CELF2: variants seen among roughly 807,000 people sequenced by gnomAD.
The protein encoded by CELF2 is CUG triplet repeat RNA-binding protein 2.
A neutral mutation model predicts 62.6 loss-of-function variants in CELF2; 8 were observed. The ratio of observed to expected loss-of-function variants is 0.13; its 90% CI spans 0.07 to 0.23. The LOEUF is 0.23. Among genes scored for constraint, CELF2 ranks in the 10% least tolerant of loss-of-function variants. The probability of loss-of-function intolerance (pLI) is 1.00; values close to 1 mark genes in which losing one functional copy is unlikely to be tolerated. For missense variants in CELF2, 333 were observed against 671.0 expected (o/e 0.50, Z 5.56); for synonymous variants, 258 against 250.0 (o/e 1.03, Z -0.30).
rs1016633137 is a variant in CELF2 at position 10,983,610 on chromosome 10, C to T, written c.89+63611C>T. On this transcript the variant is annotated intron_variant, in intron 2 of 13. Transcript: ENST00000636488. The surrounding 1 kb of genome is among the most constrained non-coding windows in gnomAD (Gnocchi z 5.2). Reference sequence around the variant, plus strand: ...TGAGACAGAGTCTCACTCTGCTGCCCAGGCTGGAGTGCAGTGGCACAATCT... The same window carrying T: ...TGAGACAGAGTCTCACTCTGCTGCCTAGGCTGGAGTGCAGTGGCACAATCT... Among the ~76,000 whole-genome samples the T allele has an allele frequency of 1.3e-5, 2 of 152,164 alleles. No individual in the cohort carries two copies. The highest frequency in any genetic ancestry group is 2.9e-5 in the Non-Finnish European group (2 of 68,032).
chr10:10,495,312 CA>C, the CELF2 span, among the ~76,000 whole-genome samples: 1 of 152,046 alleles, frequency 6.6e-6, no homozygotes, highest in African/African-American at 2.4e-5. Flanking sequence ...ACAAGAACAT[CA>C]AAAAGAGTTC....
intron 8 of CELF2, among the ~76,000 whole-genome samples, chr10:11,283,299 G>A (rs2089657478): frequency 1.3e-5 from 2 of 152,204 alleles, no homozygotes; most frequent in African/African-American, 2.4e-5. Context: ...GAACTGGTGG[G>A]ATTTCTTCCC....
At chr10:10,606,340 G>A in the CELF2 span, among the ~76,000 whole-genome samples, 5 of 152,336 alleles carry the variant, frequency 3.3e-5, no homozygotes, top group Non-Finnish European at 7.3e-5. Context: ...CAGAGAATAA[G>A]AGACCTAAAT....
At chr10:10,573,146 T>C in the CELF2 span, among the ~76,000 whole-genome samples, 1 of 152,336 alleles carries the variant, frequency 6.6e-6, no homozygotes, top group East Asian at 1.9e-4. Flanking sequence ...GCTGCATGAA[T>C]GTCTTTTGAG....
rs2062840307 is a variant in CELF2 at position 11,214,702 on chromosome 10, C to T, written c.272-2723C>T. On this transcript the variant is annotated intron_variant, in intron 2 of 12. Coordinates refer to ENST00000633077, the MANE Select transcript of CELF2 (RefSeq NM_001326342.2). The surrounding 1 kb of genome is among the most constrained non-coding windows in gnomAD (Gnocchi z 4.2). ...CAGTGTTACCTACGGTATCCTCCTG[C>T]GTGTCACACTGGAACTAGAGCTTCT... Among the ~76,000 whole-genome samples, 1 of 152,304 alleles carries T rather than the reference C, an allele frequency of 6.6e-6. No homozygotes were observed. Among genetic ancestry groups the T allele is most frequent in the East Asian group, 1.9e-4 (1 of 5,186 alleles).
At chr10:11,256,697 A>T (rs1333287758) in intron 4 of CELF2, among the ~76,000 whole-genome samples, 1 of 151,144 alleles carries the variant, frequency 6.6e-6, no homozygotes, top group East Asian at 1.9e-4. Flanking sequence ...ACCTCTCCTA[A>T]AAAGGACTCC....
At chr10:10,830,901 A>G (rs1210628548) in intron 1 of CELF2, among the ~76,000 whole-genome samples, 1 of 152,136 alleles carries the variant, frequency 6.6e-6, no homozygotes. Context: ...CACTCTCCTG[A>G]CTTTTTGTCC....
chr10:10,776,065 C>G, the CELF2 span, among the ~76,000 whole-genome samples: 1,458 of 152,322 alleles, frequency 9.6e-3, 21 homozygotes, highest in African/African-American at 0.033. Flanking sequence ...ACCTCCACTT[C>G]AAAACATCAT....
At chr10:11,271,992 G>A (rs4750036) in intron 7 of CELF2, among the ~76,000 whole-genome samples, 71,262 of 152,056 alleles carry the variant, frequency 0.47, 18,987 homozygotes, top group Non-Finnish European at 0.62. Context: ...TGCGTGTCCC[G>A]CCGGCTGGCC....
chr10:10,945,943 G>A (rs1039318621), intron 2 of CELF2: 3 of 152,640 alleles, frequency 2.0e-5, no homozygotes, highest in Admixed American at 6.5e-5. Flanking sequence ...AAACCATAGC[G>A]ACCAAAAGAG....
chr10:10,535,432 G>A, the CELF2 span, among the ~76,000 whole-genome samples: 1 of 152,134 alleles, frequency 6.6e-6, no homozygotes, highest in Admixed American at 6.6e-5. Flanking sequence ...CGATTAGGAA[G>A]GTTTGGACCG....
chr10:10,810,011 T>C (rs1251693189), intron 1 of CELF2, among the ~76,000 whole-genome samples: 1 of 152,172 alleles, frequency 6.6e-6, no homozygotes, highest in Non-Finnish European at 1.5e-5. Context: ...TTTCTGACAG[T>C]TTTAGAAAGA....
the CELF2 span, among the ~76,000 whole-genome samples, chr10:10,520,360 G>C: frequency 6.6e-6 from 1 of 152,198 alleles, no homozygotes; most frequent in Non-Finnish European, 1.5e-5. Context: ...ATGGCAAGCT[G>C]TCCAGCCTCC....
the CELF2 span, among the ~76,000 whole-genome samples, chr10:10,771,106 C>A: frequency 6.6e-6 from 1 of 152,160 alleles, no homozygotes; most frequent in East Asian, 1.9e-4. Flanking sequence ...TTGATGTTAG[C>A]AATTACTGCT....
the CELF2 span, among the ~76,000 whole-genome samples, chr10:10,739,868 T>C: frequency 4.6e-5 from 7 of 152,346 alleles, no homozygotes; most frequent in Admixed American, 2.0e-4. Context: ...TTTTCGAGAC[T>C]GTTGGTCATT....
intron 9 of CELF2, among the ~76,000 whole-genome samples, chr10:11,289,079 A>G (rs117620946): frequency 6.6e-6 from 1 of 152,246 alleles, no homozygotes; most frequent in Non-Finnish European, 1.5e-5. Flanking sequence ...TTTTCTTCAC[A>G]AATTTTGTTG....
At chr10:10,775,975 G>A in the CELF2 span, among the ~76,000 whole-genome samples, 12 of 152,312 alleles carry the variant, frequency 7.9e-5, no homozygotes, top group East Asian at 2.1e-3. Context: ...TCACTTACAA[G>A]CTGGGCCTGC....
the CELF2 span, among the ~76,000 whole-genome samples, chr10:10,748,264 TTGAGG>T: frequency 6.6e-6 from 1 of 152,126 alleles, no homozygotes; most frequent in Non-Finnish European, 1.5e-5. Context: ...TGATAAATAG[TTGAGG>T]TGATGGATAC....
At chr10:11,261,407 G>A (rs1590068902) in intron 5 of CELF2, among the ~76,000 whole-genome samples, 1 of 123,398 alleles carries the variant, frequency 8.1e-6, no homozygotes, top group East Asian at 2.4e-4. Context: ...ACTTTCAGTC[G>A]GAATCACTGC....
Sources: gnomAD v4.1 joint callset for allele counts (sites outside exome capture counted in the v4.1 genomes callset) on GRCh38, gnomAD v4.1.1 for gene constraint, Gnocchi (gnomAD v3.1) non-coding constraint, MANE v1.5 for transcripts, NCBI Gene and HGNC (gene_info 2026-07-23, HGNC 2026-07-21) for gene names.